Variants in GAB2 observed in about 807,000 individuals in gnomAD.
The protein encoded by GAB2 is GRB2-associated-binding protein 2.
In GAB2, 26 loss-of-function variants were observed where a neutral mutation model predicts 65.5. That is an observed-to-expected ratio of 0.40 (90% CI 0.29 to 0.55). GAB2 has a LOEUF of 0.55. Among genes scored for constraint, GAB2 ranks in the 20% least tolerant of loss-of-function variants. GAB2 has a pLI of 0.53. For synonymous variants in GAB2, 321 were observed against 329.6 expected (o/e 0.97, Z 0.28); for missense variants, 884 against 875.8 (o/e 1.01, Z -0.12).
intron 1 of GAB2, among the ~76,000 whole-genome samples, chr11:78,297,236 CTG>C (rs1866857080): frequency 6.6e-6 from 1 of 151,606 alleles, no homozygotes; most frequent in African/African-American, 2.4e-5. Flanking sequence ...GATGAGAAAA[CTG>C]TGGAGAGAAA....
At chr11:78,400,945 A>G (rs1305749297) in intron 1 of GAB2, among the ~76,000 whole-genome samples, 1 of 150,520 alleles carries the variant, frequency 6.6e-6, no homozygotes, top group African/African-American at 2.4e-5. Context: ...TCATTAAGCG[A>G]AGCAGCAGGC....
intron 1 of GAB2, among the ~76,000 whole-genome samples, chr11:78,367,966 G>A (rs1216429739): frequency 6.6e-6 from 1 of 151,458 alleles, no homozygotes; most frequent in African/African-American, 2.4e-5. Flanking sequence ...ACCGGCACCC[G>A]CCACTGCGCC....
chr11:78,336,880 G>T (rs1211150905), intron 1 of GAB2, among the ~76,000 whole-genome samples: 1 of 152,178 alleles, frequency 6.6e-6, no homozygotes, highest in Non-Finnish European at 1.5e-5. Flanking sequence ...TTGAATTAAT[G>T]ACAAGAAGTG....
At chr11:78,273,596 C>A (rs1013333966) in intron 2 of GAB2, among the ~76,000 whole-genome samples, 1 of 152,188 alleles carries the variant, frequency 6.6e-6, no homozygotes, top group African/African-American at 2.4e-5. Flanking sequence ...AGGCGGAAGG[C>A]CTTGCCTTGG....
intron 1 of GAB2, among the ~76,000 whole-genome samples, chr11:78,291,554 TCTTTTTC>T (rs1565145516): frequency 7.4e-5 from 7 of 94,898 alleles, no homozygotes; most frequent in African/African-American, 2.7e-4. Context: ...CTTACTTTTT[TCTTTTTC>T]TTTTTTTTTT....
intron 1 of GAB2, among the ~76,000 whole-genome samples, chr11:78,346,674 C>CATATATAT (rs71046967): frequency 8.6e-4 from 47 of 54,880 alleles, no homozygotes; most frequent in Middle Eastern, 0.011. Context: ...ACATCCCCTC[C>CATATATAT]ATATATATAT....
intron 1 of GAB2, among the ~76,000 whole-genome samples, chr11:78,318,961 A>C (rs1473388116): frequency 1.3e-5 from 2 of 152,098 alleles, no homozygotes; most frequent in Admixed American, 6.5e-5. Flanking sequence ...ATCCCTTCTC[A>C]CAGCATTATC....
intron 1 of GAB2, among the ~76,000 whole-genome samples, chr11:78,289,865 T>C (rs1866606800): frequency 8.2e-6 from 1 of 121,586 alleles, no homozygotes; most frequent in South Asian, 2.8e-4. Flanking sequence ...GTATGACCAA[T>C]GACCAAGGCC....
At chr11:78,253,771 C>T (rs1047839268) in intron 2 of GAB2, among the ~76,000 whole-genome samples, 2 of 152,060 alleles carry the variant, frequency 1.3e-5, no homozygotes, top group Admixed American at 1.3e-4. Context: ...ATCATTAAGC[C>T]CAGTGTGTGA....
Position 78,226,645 on chromosome 11 carries a change from T to G in GAB2, c.1027A>C (p.Thr343Pro), listed in dbSNP as rs985825596. The G allele has an allele frequency of 2.9e-5, 47 of 1,613,302 alleles. No homozygotes were observed. The highest frequency in any genetic ancestry group is 3.7e-5 in the Non-Finnish European group (44 of 1,179,736). ...DKNHNAMTVA[T>P]PGDSAIAPPP... ...GGAGCTATGGCTGAGTCCCCAGGAG[T>G]GGCCACTGTCATGGCATTGTGGTTT... Residue 343 changes from threonine to proline, a missense_variant, in exon 4 of 10, where the codon ACT (threonine) becomes CCT (proline). Transcript: ENST00000361507.
chr11:78,354,577 AG>A (rs1856329622), intron 1 of GAB2, among the ~76,000 whole-genome samples: 1 of 152,168 alleles, frequency 6.6e-6, no homozygotes, highest in African/African-American at 2.4e-5. Context: ...AACACCACAA[AG>A]GAAATCATCT....
chr11:78,242,397 G>A (rs1865158796), intron 3 of GAB2, among the ~76,000 whole-genome samples: 1 of 152,120 alleles, frequency 6.6e-6, no homozygotes, highest in Non-Finnish European at 1.5e-5. Flanking sequence ...AGCTACACAG[G>A]AGGTTGAGGC....
chr11:78,219,100 C>G lies in GAB2; in HGVS notation c.*172G>C. ...GGGCAGAGGAGGTGCCTTGATCAGG[C>G]CCTCACCTCCCAGGGGAAGGGTTCA... On this transcript the variant is annotated 3_prime_UTR_variant, in exon 10 of 10. Transcript: ENST00000361507. 1.6e-6 allele frequency: 1 copy of G among 625,818 alleles called. No homozygotes were observed. Among genetic ancestry groups the G allele is most frequent in the Non-Finnish European group, 2.7e-6 (1 of 365,068 alleles). 38.8% of individuals were successfully genotyped at this position (625,818 alleles called of 1,614,324 possible).
intron 3 of GAB2, among the ~76,000 whole-genome samples, chr11:78,238,206 C>CA (rs10541492): frequency 2.5e-3 from 258 of 104,776 alleles, no homozygotes; most frequent in African/African-American, 5.6e-3. Context: ...AGGGAAGAAA[C>CA]AAAAAAAAAA....
At chr11:78,272,070 A>G (rs1481457939) in intron 2 of GAB2, among the ~76,000 whole-genome samples, 1 of 152,228 alleles carries the variant, frequency 6.6e-6, no homozygotes, top group African/African-American at 2.4e-5. Flanking sequence ...CCCCAGCCAC[A>G]TGGAACTGTA....
In GAB2 at chr11:78,264,361, T is replaced by C. The variant is rs529999724; in HGVS notation, c.377-13961A>G. ...GTTAAATTGATTCCTAAGTATTTTA[T>C]TTTTTGATGCCATTGTGAAAGGAAT... On this transcript the variant is annotated intron_variant, in intron 2 of 9. Coordinates refer to ENST00000361507, the MANE Select transcript of GAB2 (RefSeq NM_080491.3). Among the ~76,000 whole-genome samples, 3 of 151,958 alleles carry C rather than the reference T, an allele frequency of 2.0e-5. No homozygotes were observed. In the East Asian group the frequency reaches 5.8e-4, roughly 29 times the overall value.
chr11:78,242,884 T>C (rs1490306185), intron 3 of GAB2, among the ~76,000 whole-genome samples: 5 of 152,080 alleles, frequency 3.3e-5, no homozygotes, highest in African/African-American at 1.2e-4. Context: ...AAAATCAGTC[T>C]GGGTGTGGTG....
chr11:78,370,484 C>T (rs115021870), intron 1 of GAB2, among the ~76,000 whole-genome samples: 431 of 152,048 alleles, frequency 2.8e-3, no homozygotes, highest in African/African-American at 9.9e-3. Flanking sequence ...TACTATTGTG[C>T]CCAGGTTCTA....
At chr11:78,387,563 A>T (rs1014691293) in intron 1 of GAB2, among the ~76,000 whole-genome samples, 2 of 152,108 alleles carry the variant, frequency 1.3e-5, no homozygotes, top group African/African-American at 4.8e-5. Context: ...AGAACTGCTT[A>T]ATCATTACAT....
Sources: allele counts gnomAD v4.1 joint callset (sites outside exome capture counted in the v4.1 genomes callset), GRCh38; gene constraint gnomAD v4.1.1; transcripts MANE v1.5; gene names NCBI Gene and HGNC (gene_info 2026-07-23, HGNC 2026-07-21).